Variants in TANC2 observed in about 807,000 individuals in gnomAD.
TANC2 encodes protein TANC2.
In TANC2, 26 loss-of-function variants were observed where a neutral mutation model predicts 210.5. That is an observed-to-expected ratio of 0.12 (90% CI 0.09 to 0.17). TANC2 has a LOEUF of 0.17. Among genes scored for constraint, TANC2 ranks in the 10% least tolerant of loss-of-function variants. TANC2 has a pLI of 1.00. For missense variants in TANC2, 2,129 were observed against 2,608.9 expected (o/e 0.82, Z 4.01); for synonymous variants, 931 against 967.1 (o/e 0.96, Z 0.69).
At chr17:63,339,989 T>C (rs1370984216) in intron 11 of TANC2, 112 bp from the exon 12 acceptor site, 17 of 757,730 alleles carry the variant, frequency 2.2e-5, no homozygotes, top group South Asian at 5.2e-5. Flanking sequence ...AAAAGTATTA[T>C]GTAATACTGA....
rs575148667 is a variant in TANC2, at chr17:63,294,404, G to A, written c.1160-19984G>A. ...TGGGAAGATTGCTTGAGCCTGGGAG[G>A]TTGAGACTGCAGTGGGCTGTGATCA... On this transcript the variant is annotated intron_variant, in intron 9 of 27. Coordinates refer to ENST00000689528, the Ensembl canonical transcript of TANC2. 2.0e-5 allele frequency among the ~76,000 whole-genome samples: 3 copies of A among 152,146 alleles called. No individual in the cohort carries two copies. The East Asian group carries it at 5.8e-4, about 29-fold the overall frequency.
intron 5 of TANC2, among the ~76,000 whole-genome samples, chr17:63,179,503 C>G (rs1429843305): frequency 2.0e-5 from 3 of 152,144 alleles, no homozygotes; most frequent in Non-Finnish European, 4.4e-5. Flanking sequence ...ACAGTAATAT[C>G]TCAATAAGTT....
chr17:63,272,614 G>A (rs1023330877), intron 9 of TANC2, among the ~76,000 whole-genome samples: 11 of 152,022 alleles, frequency 7.2e-5, no homozygotes, highest in Non-Finnish European at 1.5e-4. Flanking sequence ...ATTTGTTTGT[G>A]TCATCTCTGA....
chr17:63,176,610 C>T (rs1182702878), intron 5 of TANC2, among the ~76,000 whole-genome samples: 4 of 151,730 alleles, frequency 2.6e-5, no homozygotes, highest in African/African-American at 7.3e-5. Flanking sequence ...TCGAGACCAT[C>T]GTGGCTAACA....
chr17:63,341,444 T>G (rs1428326679), intron 12 of TANC2, among the ~76,000 whole-genome samples: 2 of 152,266 alleles, frequency 1.3e-5, no homozygotes, highest in Non-Finnish European at 2.9e-5. Context: ...CAAGGACTGT[T>G]CATCTGCCCA....
intron 11 of TANC2, chr17:63,320,482 C>G (rs1454193920): frequency 6.6e-6 from 1 of 152,098 alleles, no homozygotes; most frequent in Non-Finnish European, 1.5e-5. Context: ...GCATATCTTC[C>G]AGTAGCTTCC....
intron 2 of TANC2, among the ~76,000 whole-genome samples, chr17:63,037,105 C>A (rs2035004186): frequency 6.6e-6 from 1 of 152,026 alleles, no homozygotes; most frequent in Non-Finnish European, 1.5e-5. Flanking sequence ...TAAATGTGGT[C>A]TTTTCTCGCA....
exon 14 of TANC2, chr17:63,354,993 C>A: frequency 6.2e-7 from 1 of 1,613,900 alleles, no homozygotes; most frequent in South Asian, 1.1e-5. Context: ...AGGGTCCTAT[C>A]TATATCTGAA....
At chr17:63,403,242 G>T (rs564257706) in intron 19 of TANC2, among the ~76,000 whole-genome samples, 120 of 152,058 alleles carry the variant, frequency 7.9e-4, no homozygotes, top group Non-Finnish European at 1.5e-3. Context: ...TTTTCTCTAG[G>T]ATGCTGTAAC....
intron 7 of TANC2, among the ~76,000 whole-genome samples, chr17:63,206,008 CAACAACAAACCATTTCA>C (rs1203455850): frequency 6.6e-6 from 1 of 152,114 alleles, no homozygotes; most frequent in Non-Finnish European, 1.5e-5. Flanking sequence ...TACAACTCAA[CAACAACAAACCATTTCA>C]AAAATGGGAA....
chr17:63,326,412 T>G (rs956110988), intron 11 of TANC2, among the ~76,000 whole-genome samples: 1 of 152,050 alleles, frequency 6.6e-6, no homozygotes, highest in Non-Finnish European at 1.5e-5. Flanking sequence ...ACCATGCAAC[T>G]AATGGAAGAA....
chr17:63,080,802 G>C (rs905121674), intron 3 of TANC2, among the ~76,000 whole-genome samples: 16 of 152,052 alleles, frequency 1.1e-4, no homozygotes, highest in African/African-American at 3.6e-4. Context: ...CTTTATCTCA[G>C]TATAAGAATA....
At chr17:63,042,970 G>T (rs1022189655) in intron 2 of TANC2, among the ~76,000 whole-genome samples, 3 of 152,024 alleles carry the variant, frequency 2.0e-5, no homozygotes, top group African/African-American at 7.2e-5. Flanking sequence ...AACATCCATA[G>T]ATCTGTATTT....
chr17:63,365,510 C>G (rs935946699), intron 14 of TANC2, among the ~76,000 whole-genome samples: 27 of 152,328 alleles, frequency 1.8e-4, no homozygotes, highest in African/African-American at 6.5e-4. Flanking sequence ...AAACACAAAT[C>G]AGACCATGTA....
At chr17:63,026,628 G>GC (rs1290158103) in intron 2 of TANC2, among the ~76,000 whole-genome samples, 2 of 152,088 alleles carry the variant, frequency 1.3e-5, no homozygotes, top group Admixed American at 1.3e-4. Flanking sequence ...ATTGTTCCAG[G>GC]CTCATATTGG....
chr17:63,170,098 C>T (rs1293736712), intron 5 of TANC2, among the ~76,000 whole-genome samples: 1 of 148,814 alleles, frequency 6.7e-6, no homozygotes, highest in Non-Finnish European at 1.5e-5. Context: ...CAACTGCACT[C>T]CAGCCTGGGT....
chr17:63,043,965 A>G (rs1316917253), intron 2 of TANC2, among the ~76,000 whole-genome samples: 1 of 152,124 alleles, frequency 6.6e-6, no homozygotes, highest in African/African-American at 2.4e-5. Flanking sequence ...GTATTTCTGA[A>G]CTTTGTCTTC....
At chr17:63,376,536 TG>T in intron 14 of TANC2, among the ~76,000 whole-genome samples, 1 of 152,192 alleles carries the variant, frequency 6.6e-6, no homozygotes, top group East Asian at 1.9e-4. Context: ...ACACAGGGGA[TG>T]GGACAGCTCC....
chr17:63,137,114 A>G (rs927041284), intron 4 of TANC2, among the ~76,000 whole-genome samples: 3 of 152,176 alleles, frequency 2.0e-5, no homozygotes, highest in Non-Finnish European at 2.9e-5. Context: ...CATTCTGACC[A>G]GAAAGATCTT....
Sources: gnomAD v4.1 joint callset for allele counts (sites outside exome capture counted in the v4.1 genomes callset) on GRCh38, gnomAD v4.1.1 for gene constraint, MANE v1.5 for transcripts, NCBI Gene and HGNC (gene_info 2026-07-23, HGNC 2026-07-21) for gene names.